CDH12: variants seen among roughly 807,000 people sequenced by gnomAD.
CDH12 encodes cadherin-12.
CDH12 carries 41 observed loss-of-function variants against 74.1 expected under a neutral mutation model. That is an observed-to-expected ratio of 0.55 (90% CI 0.43 to 0.72). The LOEUF (loss-of-function observed/expected upper bound fraction) is 0.72. Among genes scored for constraint, CDH12 ranks in the 30% least tolerant of loss-of-function variants. CDH12 has a pLI of 0.00. For missense variants in CDH12, 945 were observed against 977.2 expected, an observed-to-expected ratio of 0.97 and a Z score of 0.44; for synonymous variants, 399 against 355.0, an observed-to-expected ratio of 1.12 and a Z score of -1.39.
intron 1 of CDH12, among the ~76,000 whole-genome samples, chr5:22,818,235 A>G (rs1434746633): frequency 6.6e-6 from 1 of 152,172 alleles, no homozygotes; most frequent in East Asian, 1.9e-4. Context: ...AGACACTACA[A>G]AGTCCAGACC....
chr5:21,776,662 A>G (rs1333656847), intron 11 of CDH12, among the ~76,000 whole-genome samples: 1 of 152,166 alleles, frequency 6.6e-6, no homozygotes, highest in Admixed American at 6.5e-5. Flanking sequence ...AGATTGCCTT[A>G]TTCAAGGGCA....
At chr5:21,913,151 G>T (rs371318974) in intron 6 of CDH12, among the ~76,000 whole-genome samples, 11 of 152,130 alleles carry the variant, frequency 7.2e-5, no homozygotes, top group African/African-American at 2.4e-4. Context: ...TCAGGTTCTG[G>T]TTTCTATGAT....
At chr5:22,108,857 G>GT (rs1251824438) in intron 4 of CDH12, among the ~76,000 whole-genome samples, 3 of 152,034 alleles carry the variant, frequency 2.0e-5, no homozygotes, top group African/African-American at 7.2e-5. Context: ...ACTGATCCAG[G>GT]TTTTTTCAGC....
intron 3 of CDH12, among the ~76,000 whole-genome samples, chr5:22,349,610 G>A (rs760894829): frequency 7.2e-5 from 11 of 152,000 alleles, no homozygotes; most frequent in Non-Finnish European, 1.5e-4. Context: ...TATTCTTTAT[G>A]TCACACTTCC....
intron 3 of CDH12, among the ~76,000 whole-genome samples, chr5:22,362,401 G>C (rs1372412910): frequency 1.3e-5 from 2 of 152,148 alleles, no homozygotes; most frequent in African/African-American, 4.8e-5. Context: ...ACACCAGTTA[G>C]AATGGCGATC....
intron 6 of CDH12, among the ~76,000 whole-genome samples, chr5:21,862,112 T>C (rs1225753349): frequency 1.3e-5 from 2 of 152,090 alleles, no homozygotes; most frequent in Non-Finnish European, 2.9e-5. Context: ...CCTTAACAAC[T>C]ATTATCCTTT....
intron 2 of CDH12, among the ~76,000 whole-genome samples, chr5:22,416,404 AAT>A (rs1364926500): frequency 6.6e-6 from 1 of 152,070 alleles, no homozygotes; most frequent in Non-Finnish European, 1.5e-5. Flanking sequence ...ATTTTTCTGG[AAT>A]ATGATAAAAA....
chr5:22,414,073 T>C (rs1159422765), intron 2 of CDH12, among the ~76,000 whole-genome samples: 1 of 152,022 alleles, frequency 6.6e-6, no homozygotes, highest in Non-Finnish European at 1.5e-5. Flanking sequence ...AGTACATAAC[T>C]GAACATATTT....
At position 21,854,734 on chromosome 5, in the gene CDH12, T is replaced by C; in HGVS notation, c.583A>G (p.Ser195Gly). 6.2e-7 allele frequency: 1 copy of C among 1,609,476 alleles called. No homozygotes were observed. The highest frequency in any genetic ancestry group is 8.5e-7 in the Non-Finnish European group (1 of 1,176,830). Reference protein sequence around the residue: ...TDADDPTYGNSARVVYSILQG... With the variant: ...TDADDPTYGNGARVVYSILQG... ...AGAATGCTGTAAACGACTCTGGCAC[T>C]GTTTCCATAGGTCGGGTCATCTGCA... Residue 195 changes from serine to glycine, a missense_variant, in exon 7 of 15, where the codon AGT (serine) becomes GGT (glycine). Around this residue, in one of 3 missense-constraint regions of CDH12, gnomAD observed 791 missense variants for 792.8 expected, o/e 1.00. Coordinates refer to ENST00000382254, the MANE Select transcript of CDH12 (RefSeq NM_004061.5).
intron 13 of CDH12, among the ~76,000 whole-genome samples, chr5:21,757,822 AT>A (rs1023031213): frequency 2.0e-5 from 3 of 152,070 alleles, no homozygotes; most frequent in Admixed American, 1.3e-4. Flanking sequence ...CTGGAAATCT[AT>A]TTTGTCTTAT....
intron 3 of CDH12, among the ~76,000 whole-genome samples, chr5:22,286,106 C>G (rs1737122423): frequency 6.6e-6 from 1 of 151,844 alleles, no homozygotes; most frequent in African/African-American, 2.4e-5. Flanking sequence ...TTCTTATTGC[C>G]TCAGAGATTT....
chr5:22,308,857 G>C (rs62350758), intron 3 of CDH12, among the ~76,000 whole-genome samples: 6 of 136,250 alleles, frequency 4.4e-5, no homozygotes, highest in African/African-American at 8.1e-5. Context: ...TACACACAGA[G>C]AGAGAGAGAG....
chr5:22,370,555 T>C (rs1006164271), intron 3 of CDH12, among the ~76,000 whole-genome samples: 1 of 152,194 alleles, frequency 6.6e-6, no homozygotes, highest in Non-Finnish European at 1.5e-5. Context: ...TTATATTCCT[T>C]GAACTATTTT....
chr5:21,852,605 T>C (rs914559154), intron 7 of CDH12, among the ~76,000 whole-genome samples: 1 of 151,492 alleles, frequency 6.6e-6, no homozygotes, highest in African/African-American at 2.4e-5. Context: ...TAGATATGGT[T>C]TTATCCACAG....
chr5:22,010,756 C>G (rs1201810177), intron 5 of CDH12, among the ~76,000 whole-genome samples: 1 of 152,138 alleles, frequency 6.6e-6, no homozygotes, highest in Non-Finnish European at 1.5e-5. Flanking sequence ...GTCATCTCGA[C>G]TATTTAACTG....
Position 22,153,848 on chromosome 5 carries a change from A to ATG in CDH12, c.-187+58648_-187+58649dup, listed in dbSNP as rs202179631. Among the ~76,000 whole-genome samples, 26 of 130,942 alleles carry ATG rather than the reference A, an allele frequency of 2.0e-4. 1 individual carries two copies. The highest frequency in any genetic ancestry group is 4.7e-4 in the African/African-American group (16 of 33,774). 85.9% of individuals were successfully genotyped at this position (130,942 alleles called of 152,430 possible). On this transcript the variant is annotated intron_variant, in intron 4 of 14. Transcript: ENST00000382254. Reference sequence around the variant, plus strand: ...AAGAAAAGGTTATATATATACATATATGTGTGTGTGTATATATATATATGT... The same window carrying ATG: ...AAGAAAAGGTTATATATATACATATATGTGTGTGTGTGTATATATATATATGT...
At chr5:22,831,371 C>CTCTG (rs374915767) in intron 1 of CDH12, among the ~76,000 whole-genome samples, 37 of 146,750 alleles carry the variant, frequency 2.5e-4, no homozygotes, top group African/African-American at 9.1e-4. Context: ...GTGTGTGTGT[C>CTCTG]TGTGTGTGTG....
chr5:22,045,276 A>G lies in CDH12; in HGVS notation c.231+33170T>C, dbSNP rs550998670. Reference sequence around the variant, plus strand: ...CTCCAGTTACAATGGCTATTATCAAAAAGACAATAGATAACAAGTGTTGGT... The same window carrying G: ...CTCCAGTTACAATGGCTATTATCAAGAAGACAATAGATAACAAGTGTTGGT... On this transcript the variant is annotated intron_variant, in intron 5 of 14. Transcript: ENST00000382254. Among the ~76,000 whole-genome samples the G allele has an allele frequency of 3.3e-5, 5 of 152,330 alleles. No individual in the cohort carries two copies. In the East Asian group the frequency reaches 7.7e-4, roughly 24 times the overall value.
chr5:21,856,331 C>T (rs1750752029), intron 6 of CDH12, among the ~76,000 whole-genome samples: 1 of 151,662 alleles, frequency 6.6e-6, no homozygotes, highest in African/African-American at 2.4e-5. Flanking sequence ...TTTTCTATCC[C>T]TCCACTATAC....
Sources: gnomAD v4.1 joint callset for allele counts (sites outside exome capture counted in the v4.1 genomes callset) on GRCh38, gnomAD v4.1.1 for gene constraint, gnomAD v4.1.1 regional missense constraint, MANE v1.5 for transcripts, NCBI Gene and HGNC (gene_info 2026-07-23, HGNC 2026-07-21) for gene names.